Variants in RBFOX1 observed in about 807,000 individuals in gnomAD.
The protein encoded by RBFOX1 is RNA binding fox-1 homolog 1.
In RBFOX1, 8 loss-of-function variants were observed where a neutral mutation model predicts 57.7. The observed-to-expected ratio is 0.14, with a 90% CI of 0.08 to 0.25. The LOEUF (loss-of-function observed/expected upper bound fraction) is 0.25. Among genes scored for constraint, RBFOX1 ranks in the 10% least tolerant of loss-of-function variants. RBFOX1 has a pLI of 1.00. For missense variants in RBFOX1, 611 were observed against 548.5 expected (o/e 1.11, Z -1.14); for synonymous variants, 326 against 222.4 (o/e 1.47, Z -4.15).
At chr16:5,388,085 C>G (rs1030266318) in intron 1 of RBFOX1, among the ~76,000 whole-genome samples, 3 of 152,136 alleles carry the variant, frequency 2.0e-5, no homozygotes, top group African/African-American at 7.2e-5. Flanking sequence ...CCTCCTGACA[C>G]CTTGATTATG....
intron 3 of RBFOX1, among the ~76,000 whole-genome samples, chr16:6,855,692 T>A (rs968801722): frequency 6.6e-6 from 1 of 151,932 alleles, no homozygotes; most frequent in African/African-American, 2.4e-5. Context: ...TGGAGAGTTA[T>A]CTCAGCGATC....
intron 2 of RBFOX1, among the ~76,000 whole-genome samples, chr16:6,646,418 C>T (rs571274239): frequency 2.6e-5 from 4 of 152,136 alleles, no homozygotes; most frequent in South Asian, 4.2e-4. Flanking sequence ...ATTGAATAAT[C>T]TTAGGGAAAT....
At chr16:7,348,226 C>T (rs1306792335) in intron 4 of RBFOX1, among the ~76,000 whole-genome samples, 3 of 152,170 alleles carry the variant, frequency 2.0e-5, no homozygotes, top group Non-Finnish European at 2.9e-5. Context: ...CAATCCGCTA[C>T]CCAAAAATGC....
At chr16:7,635,160 A>G (rs1302560788) in intron 11 of RBFOX1, among the ~76,000 whole-genome samples, 1 of 152,210 alleles carries the variant, frequency 6.6e-6, no homozygotes, top group Non-Finnish European at 1.5e-5. Context: ...AAGGTAAAGA[A>G]CATACCACAT....
At chr16:6,096,043 G>T (rs1216911561) in intron 1 of RBFOX1, among the ~76,000 whole-genome samples, 1 of 152,188 alleles carries the variant, frequency 6.6e-6, no homozygotes. Flanking sequence ...GAGATACAAT[G>T]GAAGTCTCAT....
At chr16:5,787,271 G>T (rs2054536070) in intron 3 of RBFOX1, among the ~76,000 whole-genome samples, 1 of 152,202 alleles carries the variant, frequency 6.6e-6, no homozygotes, top group South Asian at 2.1e-4. Flanking sequence ...GGATTGTGCT[G>T]CTTGGGGATC....
At chr16:7,222,498 C>CTTTTCATG (rs2152858440) in intron 4 of RBFOX1, among the ~76,000 whole-genome samples, 1 of 152,282 alleles carries the variant, frequency 6.6e-6, no homozygotes, top group East Asian at 1.9e-4. Flanking sequence ...GAAGTGACAA[C>CTTTTCATG]CTAATGCATG....
intron 3 of RBFOX1, among the ~76,000 whole-genome samples, chr16:5,634,334 A>T (rs1321201346): frequency 1.3e-5 from 2 of 152,360 alleles, no homozygotes; most frequent in African/African-American, 4.8e-5. Flanking sequence ...GAAAACAAGC[A>T]AATTAAAGTA....
At chr16:5,310,366 A>C (rs1373957565) in intron 1 of RBFOX1, among the ~76,000 whole-genome samples, 1 of 151,510 alleles carries the variant, frequency 6.6e-6, no homozygotes, top group African/African-American at 2.4e-5. Flanking sequence ...ATGCCACTGT[A>C]CTCCACCCTG....
At chr16:6,800,083 G>A (rs2154255989) in intron 3 of RBFOX1, among the ~76,000 whole-genome samples, 1 of 152,216 alleles carries the variant, frequency 6.6e-6, no homozygotes, top group East Asian at 1.9e-4. Context: ...TCAGTAAACT[G>A]TCATGGTGCT....
At chr16:7,607,625 A>G (rs1441432163) in intron 10 of RBFOX1, among the ~76,000 whole-genome samples, 1 of 152,208 alleles carries the variant, frequency 6.6e-6, no homozygotes, top group African/African-American at 2.4e-5. Flanking sequence ...TCAATAGTGT[A>G]TTGAACAAAT....
At chr16:7,319,646 T>C (rs929428723) in intron 4 of RBFOX1, among the ~76,000 whole-genome samples, 2 of 152,198 alleles carry the variant, frequency 1.3e-5, no homozygotes, top group African/African-American at 2.4e-5. Context: ...AGATTTAGAA[T>C]GTGGGCACCT....
intron 4 of RBFOX1, among the ~76,000 whole-genome samples, chr16:7,248,964 TTGTC>T (rs2094413347): frequency 6.6e-6 from 1 of 152,140 alleles, no homozygotes; most frequent in Non-Finnish European, 1.5e-5. Flanking sequence ...AGAGGTCCCT[TTGTC>T]TGTGGAATCC....
At chr16:7,614,015 C>A (rs1010405875) in intron 10 of RBFOX1, among the ~76,000 whole-genome samples, 15 of 152,248 alleles carry the variant, frequency 9.9e-5, no homozygotes, top group South Asian at 4.1e-4. Context: ...GTAACTGTTA[C>A]CATCCAAGCC....
intron 2 of RBFOX1, among the ~76,000 whole-genome samples, chr16:6,411,687 TG>T (rs1345267329): frequency 5.3e-5 from 8 of 152,252 alleles, no homozygotes; most frequent in Non-Finnish European, 1.2e-4. Context: ...TTACCTTGGA[TG>T]AGTCTAACCT....
intron 6 of RBFOX1, among the ~76,000 whole-genome samples, chr16:7,582,266 G>A (rs2093830598): frequency 6.6e-6 from 1 of 152,180 alleles, no homozygotes; most frequent in East Asian, 1.9e-4. Context: ...TGTCAATTAA[G>A]AGAACACACC....
In RBFOX1 at chr16:7,006,093, C is replaced by G. The variant is rs78106130; in HGVS notation, c.-15-45964C>G. Among the ~76,000 whole-genome samples the G allele has an allele frequency of 1.1e-3, 165 of 152,280 alleles. No individual in the cohort carries two copies. In the East Asian group the frequency reaches 0.027, roughly 25 times the overall value. On this transcript the variant is annotated intron_variant, in intron 3 of 15. Coordinates refer to ENST00000550418, the MANE Select transcript of RBFOX1 (RefSeq NM_018723.4). ...TAGTAAACCCTACTTTGTTCAAATA[C>G]AGGTGTACATTTAAACATCTTTGGC...
intron 3 of RBFOX1, among the ~76,000 whole-genome samples, chr16:6,927,151 C>T (rs968615329): frequency 2.0e-5 from 3 of 152,000 alleles, no homozygotes; most frequent in African/African-American, 7.3e-5. Context: ...GGGTCCCCAC[C>T]CTCAGAAGTT....
intron 1 of RBFOX1, among the ~76,000 whole-genome samples, chr16:5,393,558 G>C (rs2066470912): frequency 6.6e-6 from 1 of 152,180 alleles, no homozygotes. Context: ...ATTTTGTCCT[G>C]CTCAATGGCT....
Sources: gnomAD v4.1 joint callset for allele counts (sites outside exome capture counted in the v4.1 genomes callset) on GRCh38, gnomAD v4.1.1 for gene constraint, MANE v1.5 for transcripts, NCBI Gene and HGNC (gene_info 2026-07-23, HGNC 2026-07-21) for gene names.